TBC1D4: variants seen among roughly 807,000 people sequenced by gnomAD.
TBC1D4 encodes the protein TBC (Tre-2, BUB2, CDC16) domain-containing protein.
Under a neutral mutation model 142.5 loss-of-function variants are expected in TBC1D4, and 121 were observed. The ratio of observed to expected loss-of-function variants is 0.85; its 90% CI spans 0.73 to 0.99. TBC1D4 has a LOEUF of 0.99. TBC1D4 is among the 50% of genes least tolerant of loss of function. TBC1D4 has a pLI of 0.00. For synonymous variants in TBC1D4, 630 were observed against 628.2 expected, an observed-to-expected ratio of 1.00 and a Z score of -0.04; for missense variants, 1,475 against 1,606.6, an observed-to-expected ratio of 0.92 and a Z score of 1.40.
At chr13:75,454,719 C>T (rs1887656097) in intron 1 of TBC1D4, among the ~76,000 whole-genome samples, 2 of 152,198 alleles carry the variant, frequency 1.3e-5, no homozygotes. Flanking sequence ...CATGTTAGTA[C>T]AGGATGTCTG....
In TBC1D4 at chr13:75,285,628, T is replaced by G. The variant is rs540371460; in HGVS notation, c.*1164A>C. On this transcript the variant is annotated 3_prime_UTR_variant, in exon 21 of 21. Coordinates refer to ENST00000377636, the MANE Select transcript of TBC1D4 (RefSeq NM_014832.5). The stretch of plus-strand genomic sequence containing the variant: ...GCTGGTAACACTGGTACCACTTTCT[T>G]TTTTCCCTTCCAATGGATTTCAACA... The G allele has an allele frequency of 7.9e-5, 12 of 152,778 alleles. No individual in the cohort carries two copies. The highest frequency in any genetic ancestry group is 1.6e-4 in the Non-Finnish European group (11 of 68,032). 9.5% of individuals were successfully genotyped at this position (152,778 alleles called of 1,614,324 possible).
intron 1 of TBC1D4, among the ~76,000 whole-genome samples, chr13:75,402,060 C>T (rs1452921690): frequency 6.6e-6 from 1 of 152,122 alleles, no homozygotes; most frequent in Non-Finnish European, 1.5e-5. Context: ...ATTAACTGAG[C>T]TCTATGTACA....
At chr13:75,473,440 G>A (rs990286928) in intron 1 of TBC1D4, among the ~76,000 whole-genome samples, 7 of 152,212 alleles carry the variant, frequency 4.6e-5, no homozygotes, top group Non-Finnish European at 1.0e-4. Flanking sequence ...TAGAATCTGA[G>A]ACTGATAGTA....
intron 20 of TBC1D4, 137 bp downstream of exon 20, chr13:75,288,797 G>A (rs142735067): frequency 1.0e-5 from 9 of 890,412 alleles, no homozygotes; most frequent in African/African-American, 5.0e-5. Flanking sequence ...TAGCCCCAGA[G>A]CACTTGGACA....
intron 8 of TBC1D4, among the ~76,000 whole-genome samples, chr13:75,334,772 G>A (rs1294315807): frequency 1.3e-5 from 2 of 151,922 alleles, no homozygotes; most frequent in African/African-American, 4.8e-5. Context: ...TTTTAGTAGA[G>A]ACGGGGTTTT....
At position 75,481,717 on chromosome 13, in the gene TBC1D4, C is replaced by A. The variant is rs368290678; in HGVS notation, c.51G>T (p.Glu17Asp). The change falls in exon 1 of 21, where the codon GAG becomes GAT. Residue 17 changes from glutamate (E) to aspartate (D), a missense_variant. By Grantham distance (45) the Glu-to-Asp change is conservative (BLOSUM62 2). Around this residue, in one of 2 missense-constraint regions of TBC1D4, gnomAD observed 1,227 missense variants for 1,267.7 expected, o/e 0.97. Coordinates refer to ENST00000377636, the MANE Select transcript of TBC1D4 (RefSeq NM_014832.5). ...GCTGAGCTGAGACGCCCGGCTCGGGCTCCAGGGGGTGCGGGAACGGCTCAT... is the reference window on the plus strand; with the variant it reads ...GCTGAGCTGAGACGCCCGGCTCGGGATCCAGGGGGTGCGGGAACGGCTCAT... ...IQDEPFPHPL[E>D]PEPGVSAQPG... The A allele has an allele frequency of 3.8e-6, 6 of 1,596,642 alleles. No individual in the cohort carries two copies. The African/African-American group carries it at 8.2e-5, about 22-fold the overall frequency.
chr13:75,320,762 G>A (rs1878684953), intron 11 of TBC1D4, among the ~76,000 whole-genome samples: 2 of 151,352 alleles, frequency 1.3e-5, no homozygotes, highest in Non-Finnish European at 1.5e-5. Context: ...CGGTGCTCAT[G>A]CCTGTAATCC....
intron 1 of TBC1D4, among the ~76,000 whole-genome samples, chr13:75,450,283 G>A (rs372862669): frequency 1.3e-5 from 2 of 151,964 alleles, no homozygotes; most frequent in Admixed American, 6.6e-5. Flanking sequence ...CAGAATTTCC[G>A]TTTTCCTCCA....
At chr13:75,316,994 C>T (rs149663056) in intron 12 of TBC1D4, among the ~76,000 whole-genome samples, 37 of 152,258 alleles carry the variant, frequency 2.4e-4, no homozygotes, top group African/African-American at 7.9e-4. Context: ...AAACATTTTA[C>T]GAGTATGAAT....
At chr13:75,355,148 C>T (rs557876159) in intron 4 of TBC1D4, among the ~76,000 whole-genome samples, 19 of 152,292 alleles carry the variant, frequency 1.2e-4, no homozygotes, top group Admixed American at 3.3e-4. Context: ...AGGCGAGAGT[C>T]GGGCAGGGAT....
At chr13:75,471,937 T>A (rs1203245624) in intron 1 of TBC1D4, among the ~76,000 whole-genome samples, 1 of 150,520 alleles carries the variant, frequency 6.6e-6, no homozygotes, top group Non-Finnish European at 1.5e-5. Context: ...TAAAACCTCA[T>A]CTCTACTAAA....
At chr13:75,453,861 CAA>C (rs749925716) in intron 1 of TBC1D4, among the ~76,000 whole-genome samples, 1 of 81,486 alleles carries the variant, frequency 1.2e-5, no homozygotes, top group East Asian at 3.3e-4. Flanking sequence ...GACTCTGTCT[CAA>C]AAAAAAAAAA....
chr13:75,327,059 A>G (rs1040210784), intron 9 of TBC1D4, among the ~76,000 whole-genome samples: 1 of 152,216 alleles, frequency 6.6e-6, no homozygotes, highest in African/African-American at 2.4e-5. Context: ...AAACCGAGCT[A>G]TGCTGGAATG....
chr13:75,374,367 T>A (rs1387604880), intron 1 of TBC1D4, among the ~76,000 whole-genome samples: 2 of 152,198 alleles, frequency 1.3e-5, no homozygotes, highest in Non-Finnish European at 2.9e-5. Context: ...TCAAATTTTA[T>A]GTATGTCAAA....
chr13:75,383,516 ATCTGTAGTTTCACTT>A (rs1883981218), intron 1 of TBC1D4, among the ~76,000 whole-genome samples: 1 of 151,994 alleles, frequency 6.6e-6, no homozygotes, highest in African/African-American at 2.4e-5. Context: ...GTCCCTCCTT[ATCTGTAGTTTCACTT>A]TCTGTGGTTT....
rs192511631 is a variant in TBC1D4 at position 75,474,386 on chromosome 13, C to T, written c.498+6884G>A. Among the ~76,000 whole-genome samples the T allele has an allele frequency of 2.4e-3, 359 of 152,214 alleles. 1 individual carries two copies. Among genetic ancestry groups the T allele is most frequent in the African/African-American group, 7.8e-3 (324 of 41,556 alleles). On this transcript the variant is annotated intron_variant, in intron 1 of 20. Coordinates refer to ENST00000377636, the MANE Select transcript of TBC1D4 (RefSeq NM_014832.5). ...CATCCTGGCTAACACGGTGAAACCC[C>T]GTCTCTACCAAAAATACAAAAAATT...
chr13:75,300,602 A>T (rs1876433818), intron 16 of TBC1D4, among the ~76,000 whole-genome samples: 1 of 152,246 alleles, frequency 6.6e-6, no homozygotes, highest in African/African-American at 2.4e-5. Flanking sequence ...GAAGAAACAC[A>T]GATGGCTACA....
chr13:75,362,369 G>A lies in TBC1D4; in HGVS notation c.737C>T (p.Pro246Leu), dbSNP rs771499703. Residue 246 changes from proline to leucine, a missense_variant, in exon 2 of 21, where the codon CCG (proline) becomes CTG (leucine). Pro to Leu is a moderately conservative substitution (Grantham distance 98, BLOSUM62 -3). Around this residue, in one of 2 missense-constraint regions of TBC1D4, gnomAD observed 1,227 missense variants for 1,267.7 expected, o/e 0.97. Coordinates refer to ENST00000377636, the MANE Select transcript of TBC1D4 (RefSeq NM_014832.5). The surrounding 1 kb of genome is among the most constrained non-coding windows in gnomAD (Gnocchi z 4.2). Reference sequence around the variant, plus strand: ...GTCAGCCAGGTCCTCTCCTGGGTCCGGACCGCGCTGCTCCCCTTGGATCTT... The same window carrying A: ...GTCAGCCAGGTCCTCTCCTGGGTCCAGACCGCGCTGCTCCCCTTGGATCTT... ...RLKIQGEQRG[P>L]DPGEDLADLE... is the part of the protein sequence containing the mutation. 1.2e-6 allele frequency: 2 copies of A among 1,614,184 alleles called. No individual in the cohort carries two copies. The highest frequency in any genetic ancestry group is 1.7e-6 in the Non-Finnish European group (2 of 1,180,030).
At chr13:75,304,409 T>C (rs1876937542) in intron 15 of TBC1D4, among the ~76,000 whole-genome samples, 2 of 152,212 alleles carry the variant, frequency 1.3e-5, no homozygotes, top group Admixed American at 1.3e-4. Flanking sequence ...ATCTCATTCA[T>C]TCATTCATCC....
Sources: allele counts gnomAD v4.1 joint callset (sites outside exome capture counted in the v4.1 genomes callset), GRCh38; gene constraint gnomAD v4.1.1; regional missense constraint gnomAD v4.1.1; non-coding constraint Gnocchi (gnomAD v3.1); transcripts MANE v1.5; gene names NCBI Gene and HGNC (gene_info 2026-07-23, HGNC 2026-07-21).